The following RORA variants were observed in gnomAD, a reference collection of about 807,000 sequenced individuals.
The protein encoded by RORA is nuclear receptor ROR-alpha.
A neutral mutation model predicts 69.5 loss-of-function variants in RORA; 7 were observed. The ratio of observed to expected loss-of-function variants is 0.10; its 90% CI spans 0.06 to 0.19. The LOEUF is 0.19. Among genes scored for constraint, RORA ranks in the 10% least tolerant of loss-of-function variants. The pLI, the probability that RORA is intolerant of heterozygous loss-of-function variation, is 1.00. For synonymous variants in RORA, 261 were observed against 240.8 expected (o/e 1.08, Z -0.78); for missense variants, 457 against 663.0 (o/e 0.69, Z 3.41).
chr15:61,089,563 C>T (rs75709324), intron 1 of RORA, among the ~76,000 whole-genome samples: 1 of 152,128 alleles, frequency 6.6e-6, no homozygotes, highest in African/African-American at 2.4e-5. Flanking sequence ...AATACACAGG[C>T]CATCCTTGGA....
intron 1 of RORA, among the ~76,000 whole-genome samples, chr15:60,776,447 G>A (rs113416814): frequency 0.026 from 3,953 of 152,304 alleles, 175 homozygotes; most frequent in African/African-American, 0.091. Context: ...AGGCCTGGGA[G>A]GCTAGTGAGC....
At chr15:61,060,025 GAA>G in intron 1 of RORA, among the ~76,000 whole-genome samples, 1 of 144,902 alleles carries the variant, frequency 6.9e-6, no homozygotes, top group Non-Finnish European at 1.5e-5. Flanking sequence ...AGAAGAAGAA[GAA>G]GAAGAAGAAG....
At chr15:60,688,288 A>C (rs2070775780) in intron 1 of RORA, among the ~76,000 whole-genome samples, 1 of 152,182 alleles carries the variant, frequency 6.6e-6, no homozygotes, top group African/African-American at 2.4e-5. Flanking sequence ...AAAAAGACAA[A>C]AAATACATAC....
intron 1 of RORA, among the ~76,000 whole-genome samples, chr15:60,999,776 TC>T (rs1360228643): frequency 6.6e-6 from 1 of 151,920 alleles, no homozygotes; most frequent in Non-Finnish European, 1.5e-5. Flanking sequence ...GGGTTCTTCA[TC>T]CCCCCTCCCA....
At chr15:60,970,081 C>T (rs376698509) in intron 1 of RORA, among the ~76,000 whole-genome samples, 2 of 152,280 alleles carry the variant, frequency 1.3e-5, no homozygotes, top group African/African-American at 2.4e-5. Flanking sequence ...AGACGGCAGC[C>T]GCCTACCAGC....
At chr15:60,711,149 A>T (rs1038538854) in intron 1 of RORA, among the ~76,000 whole-genome samples, 1 of 152,162 alleles carries the variant, frequency 6.6e-6, no homozygotes, top group Admixed American at 6.5e-5. Flanking sequence ...CCTCATAAGG[A>T]CGGGTCACTC....
intron 1 of RORA, chr15:60,686,818 G>A (rs2070757670): frequency 6.6e-6 from 1 of 152,318 alleles, no homozygotes; most frequent in African/African-American, 2.4e-5. Context: ...GGTTGGATGA[G>A]GATGGCCCAA....
chr15:60,708,779 T>C (rs1042545574), intron 1 of RORA, among the ~76,000 whole-genome samples: 2 of 152,188 alleles, frequency 1.3e-5, no homozygotes, highest in African/African-American at 4.8e-5. Flanking sequence ...TATTTATATA[T>C]CAGAGCTCAG....
At chr15:60,979,730 A>ATGTGTGTG (rs35877636) in intron 1 of RORA, among the ~76,000 whole-genome samples, 1 of 149,644 alleles carries the variant, frequency 6.7e-6, no homozygotes, top group Admixed American at 6.7e-5. Context: ...GTGTGTATGT[A>ATGTGTGTG]TGTGTGTGTG....
chr15:61,077,293 G>T (rs1455458992), intron 1 of RORA, among the ~76,000 whole-genome samples: 1 of 152,158 alleles, frequency 6.6e-6, no homozygotes, highest in Non-Finnish European at 1.5e-5. Context: ...ATTTTAGAAG[G>T]ACAGCACATT....
intron 1 of RORA, among the ~76,000 whole-genome samples, chr15:61,197,949 T>A (rs1420249569): frequency 6.6e-6 from 1 of 152,148 alleles, no homozygotes; most frequent in Non-Finnish European, 1.5e-5. Context: ...CTGCTTGTTT[T>A]GTGTGGTATC....
intron 1 of RORA, among the ~76,000 whole-genome samples, chr15:60,810,964 C>T (rs958756733): frequency 2.6e-5 from 4 of 152,148 alleles, no homozygotes; most frequent in African/African-American, 9.7e-5. Context: ...TCTTTTATTC[C>T]TCTTAGACTA....
At chr15:61,217,848 A>C (rs956865689) in intron 1 of RORA, among the ~76,000 whole-genome samples, 49 of 152,328 alleles carry the variant, frequency 3.2e-4, no homozygotes, top group African/African-American at 1.1e-3. Flanking sequence ...CATGTGCTAA[A>C]AGTGGCATAA....
intron 2 of RORA, among the ~76,000 whole-genome samples, chr15:60,636,883 A>G (rs986262508): frequency 6.6e-6 from 1 of 151,994 alleles, no homozygotes; most frequent in African/African-American, 2.4e-5. Context: ...AATCAAAAAT[A>G]TTTTCTCATG....
intron 1 of RORA, among the ~76,000 whole-genome samples, chr15:60,983,420 T>TG (rs1385148558): frequency 1.3e-5 from 2 of 152,206 alleles, no homozygotes; most frequent in Non-Finnish European, 2.9e-5. Flanking sequence ...AAGCTGTCTC[T>TG]GGTGGGGAAA....
chr15:61,195,050 ATTT>A (rs1320645222), intron 1 of RORA, among the ~76,000 whole-genome samples: 1 of 151,754 alleles, frequency 6.6e-6, no homozygotes, highest in Non-Finnish European at 1.5e-5. Context: ...ACCAATTATG[ATTT>A]TTTTGTGACA....
chr15:60,600,752 A>G (rs190761964), intron 2 of RORA, among the ~76,000 whole-genome samples: 1 of 152,254 alleles, frequency 6.6e-6, no homozygotes, highest in East Asian at 1.9e-4. Flanking sequence ...TTAGATTTTT[A>G]GTATCTAGTA....
intron 1 of RORA, among the ~76,000 whole-genome samples, chr15:61,076,473 G>A (rs1408739378): frequency 6.6e-6 from 1 of 151,394 alleles, no homozygotes; most frequent in Non-Finnish European, 1.5e-5. Context: ...AAAAGTTAAA[G>A]TCCCTGCCTT....
intron 2 of RORA, chr15:60,558,285 G>C (rs202224597): frequency 1.1e-5 from 18 of 1,612,492 alleles, no homozygotes; most frequent in African/African-American, 1.3e-5. Flanking sequence ...GGAGTATTTG[G>C]AGAATCCCAA....
Sources: gnomAD v4.1 joint callset for allele counts (sites outside exome capture counted in the v4.1 genomes callset) on GRCh38, gnomAD v4.1.1 for gene constraint, MANE v1.5 for transcripts, NCBI Gene and HGNC (gene_info 2026-07-23, HGNC 2026-07-21) for gene names.